The following CLEC16A variants were observed in gnomAD, a reference collection of about 807,000 sequenced individuals.
CLEC16A encodes protein CLEC16A.
Under a neutral mutation model 109.5 loss-of-function variants are expected in CLEC16A, and 51 were observed. That is an observed-to-expected ratio of 0.47 (90% CI 0.37 to 0.59). The LOEUF is 0.59. Among genes scored for constraint, CLEC16A ranks in the 20% least tolerant of loss-of-function variants. The pLI, the probability that CLEC16A is intolerant of heterozygous loss-of-function variation, is 0.00. For missense variants in CLEC16A, 1,339 were observed against 1,394.0 expected (o/e 0.96, Z 0.63); for synonymous variants, 673 against 564.2 (o/e 1.19, Z -2.73).
chr16:11,140,864 T>G (rs1016736862), intron 22 of CLEC16A, among the ~76,000 whole-genome samples: 1 of 152,244 alleles, frequency 6.6e-6, no homozygotes, highest in East Asian at 1.9e-4. Flanking sequence ...AACTATGTGA[T>G]GTCAGGAAGT....
chr16:11,028,543 GA>G (rs577834995), intron 13 of CLEC16A, among the ~76,000 whole-genome samples: 2,747 of 123,236 alleles, frequency 0.022, 69 homozygotes, highest in African/African-American at 0.069. Context: ...CTCTGCTGTG[GA>G]AAAAAAAAAA....
intron 12 of CLEC16A, among the ~76,000 whole-genome samples, chr16:11,023,610 T>TA (rs1271283618): frequency 2.6e-5 from 3 of 113,940 alleles, no homozygotes; most frequent in African/African-American, 9.0e-5. Flanking sequence ...ACATTTTTCC[T>TA]ACTTTTTTTT....
intron 12 of CLEC16A, among the ~76,000 whole-genome samples, chr16:11,023,118 G>T (rs760297025): frequency 2.2e-4 from 28 of 126,012 alleles, no homozygotes; most frequent in Non-Finnish European, 3.4e-4. Context: ...TTTTTTTTCC[G>T]ATGTGAACTT....
intron 19 of CLEC16A, among the ~76,000 whole-genome samples, chr16:11,090,745 A>C (rs1215932307): frequency 6.6e-6 from 1 of 151,490 alleles, no homozygotes; most frequent in Non-Finnish European, 1.5e-5. Context: ...CCCTGGTTCA[A>C]GTGATTCTCC....
intron 10 of CLEC16A, among the ~76,000 whole-genome samples, chr16:11,001,636 T>G (rs966120739): frequency 1.3e-5 from 2 of 152,168 alleles, no homozygotes; most frequent in Non-Finnish European, 2.9e-5. Flanking sequence ...GATATACTAA[T>G]ATGAAGCATG....
intron 22 of CLEC16A, among the ~76,000 whole-genome samples, chr16:11,135,106 G>A (rs995188730): frequency 2.0e-5 from 3 of 152,356 alleles, no homozygotes; most frequent in South Asian, 2.1e-4. Context: ...AATCCTGCCT[G>A]AACAAAAGCA....
At chr16:11,067,731 G>C (rs2152920299) in intron 19 of CLEC16A, among the ~76,000 whole-genome samples, 1 of 152,266 alleles carries the variant, frequency 6.6e-6, no homozygotes, top group Admixed American at 6.5e-5. Context: ...GGAGCCCCAT[G>C]GGGAGGCCAG....
chr16:11,172,333 C>A (rs2068556929), intron 23 of CLEC16A, among the ~76,000 whole-genome samples: 1 of 152,196 alleles, frequency 6.6e-6, no homozygotes, highest in African/African-American at 2.4e-5. Flanking sequence ...GTCACATACA[C>A]ACACACACTC....
At chr16:10,949,811 C>T (rs1029150393) in intron 1 of CLEC16A, among the ~76,000 whole-genome samples, 4 of 152,140 alleles carry the variant, frequency 2.6e-5, no homozygotes, top group South Asian at 2.1e-4. Flanking sequence ...GCTCTGCTGC[C>T]GTCCCCTGGT....
chr16:11,166,157 C>G (rs925340406), intron 22 of CLEC16A, among the ~76,000 whole-genome samples: 1 of 152,234 alleles, frequency 6.6e-6, no homozygotes, highest in Admixed American at 6.5e-5. Flanking sequence ...ACACTCAGCT[C>G]TGTGGCTGGT....
chr16:11,031,593 C>T (rs1192503445), intron 13 of CLEC16A, among the ~76,000 whole-genome samples: 1 of 152,200 alleles, frequency 6.6e-6, no homozygotes, highest in African/African-American at 2.4e-5. Flanking sequence ...TTCATTCATT[C>T]TTCCAACAAA....
At chr16:10,980,189 C>T (rs1248433938) in intron 9 of CLEC16A, among the ~76,000 whole-genome samples, 1 of 152,136 alleles carries the variant, frequency 6.6e-6, no homozygotes, top group Non-Finnish European at 1.5e-5. Context: ...GGGGCTTTGT[C>T]TTTTTGGCCC....
intron 19 of CLEC16A, among the ~76,000 whole-genome samples, chr16:11,108,860 C>G (rs1011091249): frequency 6.6e-6 from 1 of 152,080 alleles, no homozygotes; most frequent in Non-Finnish European, 1.5e-5. Flanking sequence ...CCTGTAATCC[C>G]AGCACTTTGG....
intron 19 of CLEC16A, among the ~76,000 whole-genome samples, chr16:11,090,890 G>T (rs1314808891): frequency 8.0e-6 from 1 of 125,536 alleles, no homozygotes; most frequent in South Asian, 2.6e-4. Context: ...GGCTCGTCTT[G>T]AACTCCTGAC....
chr16:11,131,126 C>G (rs1015953378), intron 22 of CLEC16A, among the ~76,000 whole-genome samples: 1 of 152,124 alleles, frequency 6.6e-6, no homozygotes, highest in Non-Finnish European at 1.5e-5. Flanking sequence ...GTGCGTGCGC[C>G]TGGCCAAGGA....
intron 13 of CLEC16A, among the ~76,000 whole-genome samples, chr16:11,029,596 C>G (rs1395935798): frequency 6.6e-6 from 1 of 152,182 alleles, no homozygotes; most frequent in Non-Finnish European, 1.5e-5. Flanking sequence ...TCAGGGATCT[C>G]TCTCTTATGC....
intron 23 of CLEC16A, among the ~76,000 whole-genome samples, chr16:11,169,611 A>G (rs375284542): frequency 1.3e-5 from 2 of 152,236 alleles, no homozygotes; most frequent in Non-Finnish European, 2.9e-5. Context: ...TTGCATGGCC[A>G]GGTGTTTGGC....
chr16:11,026,923 G>C (rs548141822), intron 13 of CLEC16A: 8 of 987,796 alleles, frequency 8.1e-6, no homozygotes, highest in Non-Finnish European at 1.2e-5. Context: ...GTCCTCCAGC[G>C]TGAGCTAGAA....
At chr16:10,981,689 T>C (rs1439402598) in intron 9 of CLEC16A, among the ~76,000 whole-genome samples, 1 of 152,222 alleles carries the variant, frequency 6.6e-6, no homozygotes, top group East Asian at 1.9e-4. Context: ...TTTTTTAAAG[T>C]TAAAAAGTTC....
Sources: allele counts gnomAD v4.1 joint callset (sites outside exome capture counted in the v4.1 genomes callset), GRCh38; gene constraint gnomAD v4.1.1; transcripts MANE v1.5; gene names NCBI Gene and HGNC (gene_info 2026-07-23, HGNC 2026-07-21).